Variants in CNTN5 observed in about 807,000 individuals in gnomAD.
CNTN5 encodes contactin 5, also known as contactin-5.
A neutral mutation model predicts 129.1 loss-of-function variants in CNTN5; 77 were observed. The ratio of observed to expected loss-of-function variants is 0.60; its 90% confidence interval spans 0.50 to 0.72. The LOEUF is 0.72. Among genes scored for constraint, CNTN5 ranks in the 30% least tolerant of loss-of-function variants. The pLI is 0.00. For synonymous variants in CNTN5, 509 were observed against 465.6 expected (o/e 1.09, Z -1.20); for missense variants, 1,478 against 1,328.8 (o/e 1.11, Z -1.75).
intron 13 of CNTN5, among the ~76,000 whole-genome samples, chr11:100,158,753 A>G (rs954847163): frequency 1.3e-5 from 2 of 151,920 alleles, no homozygotes; most frequent in Non-Finnish European, 2.9e-5. Context: ...ATATATTTTC[A>G]TGACCACTCC....
chr11:99,751,973 G>A (rs886367616), intron 3 of CNTN5, among the ~76,000 whole-genome samples: 2 of 151,958 alleles, frequency 1.3e-5, no homozygotes, highest in Non-Finnish European at 2.9e-5. Flanking sequence ...TCTTCAAAGT[G>A]CCATCTTGTA....
intron 1 of CNTN5, among the ~76,000 whole-genome samples, chr11:99,027,457 T>A (rs894265136): frequency 2.0e-5 from 3 of 151,634 alleles, no homozygotes; most frequent in African/African-American, 7.2e-5. Flanking sequence ...TATGCACTAC[T>A]TTTCTGTGTT....
Position 99,827,348 on chromosome 11 carries a change from C to G in CNTN5, c.277+7583C>G, listed in dbSNP as rs540217759. Among the ~76,000 whole-genome samples, 7 of 152,302 alleles carry G rather than the reference C, an allele frequency of 4.6e-5. No homozygotes were observed. In the South Asian group the frequency reaches 1.4e-3, roughly 32 times the overall value. The stretch of plus-strand genomic sequence containing the variant: ...AGGCGATCCACGCACCTTGACCTCC[C>G]AAAGTGCTGGGATTACAAGCATGAG... On this transcript the variant is annotated intron_variant, in intron 4 of 24. Coordinates refer to ENST00000524871, the MANE Select transcript of CNTN5 (RefSeq NM_014361.4).
chr11:100,004,031 TGG>T (rs1940042579), intron 9 of CNTN5: 1 of 152,230 alleles, frequency 6.6e-6, no homozygotes, highest in East Asian at 1.9e-4. Flanking sequence ...TCTTGTGGTG[TGG>T]ATCACCATTT....
chr11:99,157,766 A>G (rs1341553155), intron 1 of CNTN5, among the ~76,000 whole-genome samples: 1 of 152,126 alleles, frequency 6.6e-6, no homozygotes, highest in Non-Finnish European at 1.5e-5. Flanking sequence ...ACTACTCACT[A>G]CCTATTACCT....
Position 99,956,967 on chromosome 11 carries a change from A to G in CNTN5, c.835A>G (p.Arg279Gly), listed in dbSNP as rs1178559796. 3.1e-6 allele frequency: 5 copies of G among 1,613,756 alleles called. No individual in the cohort carries two copies. Among genetic ancestry groups the G allele is most frequent in the Non-Finnish European group, 4.2e-6 (5 of 1,179,836 alleles). ...CLVKNTVTNA[R>G]VLSPPTPLTL... ...GGTGAAAAACACAGTGACGAATGCT[A>G]GAGTCCTTAGTCCTCCAACGCCACT... The change falls in exon 8 of 25, where the codon AGA becomes GGA. Residue 279 changes from arginine to glycine, a missense_variant. Physicochemically the swap from Arg to Gly is moderately radical, Grantham distance 125. Transcript: ENST00000524871.
chr11:99,348,576 T>G (rs1938072681), intron 2 of CNTN5, among the ~76,000 whole-genome samples: 2 of 152,178 alleles, frequency 1.3e-5, no homozygotes, highest in South Asian at 4.1e-4. Flanking sequence ...CTTCGGATAT[T>G]TTTTTAACTC....
intron 2 of CNTN5, among the ~76,000 whole-genome samples, chr11:99,454,377 T>C (rs1365311138): frequency 2.6e-5 from 4 of 152,152 alleles, no homozygotes; most frequent in Non-Finnish European, 5.9e-5. Context: ...TGGAGATAAT[T>C]GAATCATAGG....
In CNTN5 at chr11:99,689,299, G is replaced by C. The variant is rs10790910; in HGVS notation, c.56-130245G>C. On this transcript the variant is annotated intron_variant, in intron 3 of 24. Coordinates refer to ENST00000524871, the MANE Select transcript of CNTN5 (RefSeq NM_014361.4). ...TCCCAGCATTTAGGGAGGCCAAGGC[G>C]GGCAGATCACAAGGTCAGGAGATCG... 9.7e-3 allele frequency among the ~76,000 whole-genome samples: 1,468 copies of C among 151,804 alleles called. 28 individuals carry two copies. The highest frequency in any genetic ancestry group is 0.032 in the African/African-American group (1,312 of 41,402).
Position 99,776,108 on chromosome 11 carries a change from A to G in CNTN5, c.56-43436A>G, listed in dbSNP as rs527360836. On this transcript the variant is annotated intron_variant, in intron 3 of 24. Transcript: ENST00000524871. ...AGTCACTTGGTCATTTATTGAATAC[A>G]TGTTTATTGAGTAAACACTCTGTGC... Among the ~76,000 whole-genome samples the G allele has an allele frequency of 2.7e-4, 41 of 152,126 alleles. No individual in the cohort carries two copies. In the South Asian group the frequency reaches 7.7e-3, roughly 28 times the overall value.
At chr11:100,213,243 A>C (rs1949069862) in intron 15 of CNTN5, among the ~76,000 whole-genome samples, 1 of 152,200 alleles carries the variant, frequency 6.6e-6, no homozygotes, top group Non-Finnish European at 1.5e-5. Context: ...ATAAGCATAT[A>C]TGATAATTGG....
intron 17 of CNTN5, among the ~76,000 whole-genome samples, chr11:100,268,369 T>C (rs1016831344): frequency 1.3e-5 from 2 of 152,008 alleles, no homozygotes; most frequent in Non-Finnish European, 2.9e-5. Context: ...ATTATGAAAA[T>C]AACACCCTGG....
chr11:99,340,745 A>G (rs1237194352), intron 2 of CNTN5, among the ~76,000 whole-genome samples: 4 of 152,220 alleles, frequency 2.6e-5, no homozygotes, highest in Non-Finnish European at 5.9e-5. Flanking sequence ...ACAATTACTA[A>G]TAGAAACAAT....
At chr11:100,322,956 T>C (rs1343717718) in intron 21 of CNTN5, among the ~76,000 whole-genome samples, 2 of 152,226 alleles carry the variant, frequency 1.3e-5, no homozygotes, top group Admixed American at 6.5e-5. Context: ...TTGTGTATAA[T>C]GCCACTTAGT....
intron 13 of CNTN5, among the ~76,000 whole-genome samples, chr11:100,146,584 TATGTCAGTTTGTAACAA>T: frequency 6.6e-6 from 1 of 152,266 alleles, no homozygotes; most frequent in Admixed American, 6.5e-5. Context: ...AAATAAGTAT[TATGTCAGTTTGTAACAA>T]ATTATTCATT....
intron 1 of CNTN5, among the ~76,000 whole-genome samples, chr11:99,197,614 A>G (rs1303687510): frequency 2.0e-5 from 3 of 152,042 alleles, no homozygotes; most frequent in Non-Finnish European, 4.4e-5. Flanking sequence ...AGATCCCTCA[A>G]TAACATCACA....
chr11:99,934,900 A>C (rs10160724), intron 7 of CNTN5, among the ~76,000 whole-genome samples: 1 of 62,962 alleles, frequency 1.6e-5, no homozygotes, highest in Non-Finnish European at 3.2e-5. Context: ...GTGTGTGTGT[A>C]TATATATATA....
At chr11:99,614,138 T>C (rs1950683383) in intron 3 of CNTN5, among the ~76,000 whole-genome samples, 1 of 152,232 alleles carries the variant, frequency 6.6e-6, no homozygotes, top group South Asian at 2.1e-4. Flanking sequence ...TTTAATCATT[T>C]TTTATCCAAA....
At chr11:99,312,057 C>A (rs1316208562) in intron 1 of CNTN5, among the ~76,000 whole-genome samples, 2 of 152,064 alleles carry the variant, frequency 1.3e-5, no homozygotes, top group African/African-American at 4.8e-5. Context: ...CAAATTCATT[C>A]TTTGATTGTG....
Sources: allele counts gnomAD v4.1 joint callset (sites outside exome capture counted in the v4.1 genomes callset), GRCh38; gene constraint gnomAD v4.1.1; transcripts MANE v1.5; gene names NCBI Gene and HGNC (gene_info 2026-07-23, HGNC 2026-07-21).